OXNAD1: variants seen among roughly 807,000 people sequenced by gnomAD.
OXNAD1 encodes oxidoreductase NAD-binding domain-containing protein 1.
Under a neutral mutation model 32.9 loss-of-function variants are expected in OXNAD1, and 34 were observed. The ratio of observed to expected loss-of-function variants is 1.03; its 90% confidence interval spans 0.79 to 1.38. The LOEUF (loss-of-function observed/expected upper bound fraction) is 1.38, where lower values mean the gene tolerates loss of function less well. Ranked by LOEUF, OXNAD1 falls within the 40% of genes most tolerant of loss-of-function variation. OXNAD1 has a pLI of 0.00. For missense variants in OXNAD1, 407 were observed against 379.4 expected, an observed-to-expected ratio of 1.07 and a Z score of -0.60; for synonymous variants, 134 against 135.2, an observed-to-expected ratio of 0.99 and a Z score of 0.06.
chr3:16,333,992 C>T (rs2070600476), intron 9 of OXNAD1, among the ~76,000 whole-genome samples: 3 of 152,012 alleles, frequency 2.0e-5, no homozygotes, highest in South Asian at 2.1e-4. Flanking sequence ...GGTGAAACCC[C>T]GTCTCTACTA....
chr3:16,276,288 AT>A, intron 4 of OXNAD1: 1 of 211,122 alleles, frequency 4.7e-6, no homozygotes, highest in Non-Finnish European at 9.6e-6. Context: ...GATTTTTCTG[AT>A]TTGGCTTTTA....
At chr3:16,295,106 G>A in intron 6 of OXNAD1, 109 bp downstream of exon 6, 1 of 1,280,250 alleles carries the variant, frequency 7.8e-7, no homozygotes, top group South Asian at 2.1e-5. Context: ...GAGTAAAAGG[G>A]TACATGCCCA....
intron 2 of OXNAD1, among the ~76,000 whole-genome samples, 200 bp downstream of exon 2, chr3:16,269,475 G>A (rs770866030): frequency 3.9e-4 from 59 of 152,294 alleles, no homozygotes; most frequent in Admixed American, 1.4e-3. Flanking sequence ...GAAATATATC[G>A]TTTATCTAAA....
Position 16,271,562 on chromosome 3 carries a change from C to T in OXNAD1, c.120-97C>T, listed in dbSNP as rs1303595658. On this transcript the variant is annotated intron_variant, in intron 3 of 8. Transcript: ENST00000285083. The surrounding 1 kb of genome is among the most constrained non-coding windows in gnomAD (Gnocchi z 4.6). ...CCATTTTATAGGATCTGTAATGTTACACTGTATTTAGGATAACCATGATAT... is the reference window on the plus strand; with the variant it reads ...CCATTTTATAGGATCTGTAATGTTATACTGTATTTAGGATAACCATGATAT... 5.9e-6 allele frequency: 6 copies of T among 1,022,438 alleles called. No individual in the cohort carries two copies. Among genetic ancestry groups the T allele is most frequent in the East Asian group, 2.8e-5 (1 of 35,772 alleles). 63.3% of individuals were successfully genotyped at this position (1,022,438 alleles called of 1,614,324 possible).
chr3:16,322,535 G>T lies in OXNAD1; in HGVS notation c.*31-14577G>T, dbSNP rs1217971162. The stretch of plus-strand genomic sequence containing the variant: ...CAAAGGTGCAGTGAGCTGAATCCAG[G>T]TGATGCCTGACTCAGGCTTTGGTGT... On this transcript the variant is annotated intron_variant, in intron 9 of 9. Coordinates refer to the OXNAD1 transcript ENST00000435829. The surrounding 1 kb of genome is among the most constrained non-coding windows in gnomAD (Gnocchi z 6.2). 6.6e-6 allele frequency among the ~76,000 whole-genome samples: 1 copy of T among 152,220 alleles called. No individual in the cohort carries two copies. The highest frequency in any genetic ancestry group is 1.5e-5 in the Non-Finnish European group (1 of 68,046).
chr3:16,327,854 C>A lies in OXNAD1; in HGVS notation c.*31-9258C>A, dbSNP rs955154831. The stretch of plus-strand genomic sequence containing the variant: ...GCCCCTGCACTGGCTTCCACCTCTG[C>A]AGGCGTTCTCACTGCAACAGGCCTC... On this transcript the variant is annotated intron_variant, in intron 9 of 9. Transcript: ENST00000435829. This position sits in a 1 kb window ranked among gnomAD's most constrained non-coding sequence, Gnocchi z 4.2. 3.3e-5 allele frequency among the ~76,000 whole-genome samples: 5 copies of A among 152,200 alleles called. No homozygotes were observed. Among genetic ancestry groups the A allele is most frequent in the Non-Finnish European group, 7.3e-5 (5 of 68,030 alleles).
At chr3:16,326,573 G>C (rs916741296) in intron 9 of OXNAD1, among the ~76,000 whole-genome samples, 4 of 152,192 alleles carry the variant, frequency 2.6e-5, no homozygotes, top group Non-Finnish European at 4.4e-5. Flanking sequence ...TGTGGGAAGA[G>C]GGGTGCAGGG....
At chr3:16,296,857 G>A (rs1036244954) in intron 6 of OXNAD1, among the ~76,000 whole-genome samples, 6 of 151,948 alleles carry the variant, frequency 3.9e-5, no homozygotes, top group Non-Finnish European at 5.9e-5. Flanking sequence ...AACTCAAAAC[G>A]GATTGTAGAT....
intron 9 of OXNAD1, among the ~76,000 whole-genome samples, chr3:16,313,203 G>A (rs910582539): frequency 2.0e-5 from 2 of 99,294 alleles, no homozygotes; most frequent in Non-Finnish European, 4.0e-5. Flanking sequence ...CACACCCAGC[G>A]GATTTTTTTT....
intron 1 of OXNAD1, among the ~76,000 whole-genome samples, chr3:16,268,523 G>A (rs189350339): frequency 5.7e-4 from 86 of 151,666 alleles, no homozygotes; most frequent in African/African-American, 1.9e-3. Flanking sequence ...TAGAGATGGG[G>A]TTTCACCATG....
At chr3:16,340,429 C>T (rs1176240604), downstream of OXNAD1, among the ~76,000 whole-genome samples, 1 of 152,240 alleles carries the variant, frequency 6.6e-6, no homozygotes, top group African/African-American at 2.4e-5. Flanking sequence ...CACTCTAGAT[C>T]ATTCAGCTAC....
At chr3:16,296,529 A>G (rs1017499420) in intron 6 of OXNAD1, among the ~76,000 whole-genome samples, 4 of 152,240 alleles carry the variant, frequency 2.6e-5, no homozygotes, top group Non-Finnish European at 5.9e-5. Flanking sequence ...CAATTTTGAA[A>G]AAGAAGAATA....
intron 9 of OXNAD1, chr3:16,323,494 C>T: frequency 6.6e-7 from 1 of 1,515,250 alleles, no homozygotes; most frequent in Non-Finnish European, 9.1e-7. Context: ...CCACTTTATG[C>T]CTTAGAGGAA....
rs1308947838 is a variant in OXNAD1 at position 16,320,066 on chromosome 3, G to T, written c.*30+16474G>T. On this transcript the variant is annotated intron_variant, in intron 9 of 9. Transcript: ENST00000435829. The surrounding 1 kb of genome is among the most constrained non-coding windows in gnomAD (Gnocchi z 4.5). ...GAAATAACTGTCTAAAAGAAAAAAA[G>T]AAATCCTTCACTTTACAGCAGTGTG... 6.6e-6 allele frequency among the ~76,000 whole-genome samples: 1 copy of T among 152,212 alleles called. No homozygotes were observed. Among genetic ancestry groups the T allele is most frequent in the Non-Finnish European group, 1.5e-5 (1 of 68,038 alleles).
chr3:16,324,759 G>T (rs1469455482), intron 9 of OXNAD1, among the ~76,000 whole-genome samples: 1 of 150,150 alleles, frequency 6.7e-6, no homozygotes, highest in Non-Finnish European at 1.5e-5. Context: ...TTTCTTAGCT[G>T]TTGTGAATAA....
intron 4 of OXNAD1, chr3:16,276,098 A>C (rs2065298168): frequency 6.1e-6 from 1 of 164,216 alleles, no homozygotes; most frequent in African/African-American, 2.4e-5. Context: ...GCGCTACTGC[A>C]CTCTAGCCTG....
chr3:16,310,744 C>T (rs866403679), downstream of OXNAD1, among the ~76,000 whole-genome samples: 12 of 152,216 alleles, frequency 7.9e-5, no homozygotes, highest in Middle Eastern at 3.4e-3. Flanking sequence ...AATCTCAGCA[C>T]TTTGGGAGGC....
chr3:16,316,779 T>C lies in OXNAD1; in HGVS notation c.*30+13187T>C. 4 of 1,608,754 alleles carry C rather than the reference T, an allele frequency of 2.5e-6. No individual in the cohort carries two copies. Among genetic ancestry groups the C allele is most frequent in the Non-Finnish European group, 3.4e-6 (4 of 1,177,032 alleles). On this transcript the variant is annotated intron_variant, in intron 9 of 9. Transcript: ENST00000435829. The surrounding 1 kb of genome is among the most constrained non-coding windows in gnomAD (Gnocchi z 4.5). ...GCCCCCAAACCAGCTGTTGGTAAGA[T>C]GCCTTGGGTTTGGCAACTCACCTAG...
chr3:16,351,417 G>A (rs189964660), downstream of OXNAD1, among the ~76,000 whole-genome samples: 269 of 152,264 alleles, frequency 1.8e-3, 3 homozygotes, highest in African/African-American at 5.6e-3. The surrounding 1 kb of genome is among the most constrained non-coding windows in gnomAD (Gnocchi z 5.4). Context: ...GGGCAGAAGC[G>A]AATAGTATGA....
Sources: allele counts gnomAD v4.1 joint callset (sites outside exome capture counted in the v4.1 genomes callset), GRCh38; gene constraint gnomAD v4.1.1; non-coding constraint Gnocchi (gnomAD v3.1); transcripts MANE v1.5; gene names NCBI Gene and HGNC (gene_info 2026-07-23, HGNC 2026-07-21).